Variants in APBA3 observed in about 807,000 individuals in gnomAD.
APBA3 encodes amyloid beta precursor protein binding family A member 3, also known as amyloid-beta A4 precursor protein-binding family A member 3.
APBA3 carries 45 observed loss-of-function variants against 55.9 expected under a neutral mutation model. That is an observed-to-expected ratio of 0.80 (90% CI 0.63 to 1.03). The LOEUF (loss-of-function observed/expected upper bound fraction) is 1.03, where lower values mean the gene tolerates loss of function less well. Among genes scored for constraint, APBA3 ranks in the 50% least tolerant of loss-of-function variants. The pLI is 0.00. For synonymous variants in APBA3, 370 were observed against 353.3 expected, an observed-to-expected ratio of 1.05 and a Z score of -0.53; for missense variants, 865 against 820.3, an observed-to-expected ratio of 1.05 and a Z score of -0.67.
In APBA3 at chr19:3,752,949, G is replaced by A. The variant is rs368458103; in HGVS notation, c.1053C>T (p.Ala351=). The A allele has an allele frequency of 1.6e-5, 26 of 1,613,036 alleles. No homozygotes were observed. Among genetic ancestry groups the A allele is most frequent in the South Asian group, 5.5e-5 (5 of 91,082 alleles). The stretch of plus-strand genomic sequence containing the variant: ...TTTCCCGTAGGAACTGGCTGTAGGC[G>A]GCGGCGAAGGCCTGGCCAATGGCCT... The part of the protein sequence containing the change: ...IAQAIGQAFA[A]AYSQFLRESG... Residue 351 remains alanine (A), a synonymous_variant, in exon 7 of 11, where the codon GCC becomes GCT. Coordinates refer to ENST00000316757, the MANE Select transcript of APBA3 (RefSeq NM_004886.4).
chr19:3,751,394 C>A, intron 9 of APBA3, 40 bp downstream of exon 9: 1 of 1,514,360 alleles, frequency 6.6e-7, no homozygotes, highest in Admixed American at 2.1e-5. Flanking sequence ...CTCAGGGCCG[C>A]CCTACCCCCC....
rs147158855 is a variant in APBA3 at position 3,752,976 on chromosome 19, G to A, written c.1026C>T (p.Ala342=). The part of the protein sequence containing the change: ...VFYAEDAQLI[A]QAIGQAFAAA... The stretch of plus-strand genomic sequence containing the variant: ...CGGCGAAGGCCTGGCCAATGGCCTG[G>A]GCGATGAGCTGGGCCTGCGGGGAGG... The change falls in exon 7 of 11, where the codon GCC becomes GCT. Residue 342 remains alanine (A), a synonymous_variant. Coordinates refer to ENST00000316757, the MANE Select transcript of APBA3 (RefSeq NM_004886.4). 5 of 1,612,140 alleles carry A rather than the reference G, an allele frequency of 3.1e-6. No homozygotes were observed. Among genetic ancestry groups the A allele is most frequent in the Non-Finnish European group, 4.2e-6 (5 of 1,179,882 alleles).
rs760267251 is a variant in APBA3 at position 3,754,016 on chromosome 19, T to C, written c.849+3A>G. On this transcript the variant is annotated splice_donor_region_variant and intron_variant, in intron 5 of 10. Transcript: ENST00000316757. ...ATCCCTGGGGCGGGTCCCTGCCCCG[T>C]ACCTGGGAGTCCGCTGTCAAGACCT... is the stretch of plus-strand genomic sequence containing the variant. 4 of 1,607,614 alleles carry C rather than the reference T, an allele frequency of 2.5e-6. No individual in the cohort carries two copies. In the South Asian group the frequency reaches 4.4e-5, roughly 18 times the overall value.
chr19:3,751,590 G>C (rs754612089), intron 8 of APBA3, 37 bp from the exon 9 acceptor site: 1 of 1,557,372 alleles, frequency 6.4e-7, no homozygotes, highest in Non-Finnish European at 8.6e-7. Context: ...CTCAGCTGCC[G>C]GACAGCCTGG....
intron 3 of APBA3, chr19:3,754,577 GC>G: frequency 3.9e-6 from 2 of 515,806 alleles, no homozygotes; most frequent in Non-Finnish European, 6.7e-6. Flanking sequence ...GTGAGTCCAG[GC>G]CATGGCTGGA....
Position 3,751,060 on chromosome 19 carries a change from A to C in APBA3, c.1694T>G (p.Leu565Arg). 6.4e-7 allele frequency: 1 copy of C among 1,566,474 alleles called. No individual in the cohort carries two copies. The highest frequency in any genetic ancestry group is 8.7e-7 in the Non-Finnish European group (1 of 1,155,290). The change falls in exon 11 of 11, where the codon CTC becomes CGC. Residue 565 changes from leucine to arginine, a missense_variant. Coordinates refer to ENST00000316757, the MANE Select transcript of APBA3 (RefSeq NM_004886.4). The part of the protein sequence containing the change: ...IKTMPAATYR[L>R]LTGQEQPVYL ...CACGGGCTGCTCCTGGCCTGTAAGG[A>C]GGCGATATGTGGCAGCTGGCATCGT... is the stretch of plus-strand genomic sequence containing the variant.
Position 3,753,797 on chromosome 19 carries a change from T to C in APBA3, c.979A>G (p.Lys327Glu). The C allele has an allele frequency of 6.4e-7, 1 of 1,572,218 alleles. No individual in the cohort carries two copies. The highest frequency in any genetic ancestry group is 1.2e-5 in the South Asian group (1 of 86,266). Reference protein sequence around the residue: ...APQDHGRRLYKMLCHVFYAED... With the variant: ...APQDHGRRLYEMLCHVFYAED... Reference sequence around the variant, plus strand: ...GCGTAGAATACGTGGCAGAGCATCTTGTAGAGGCGGCGGCCGTGGTCCTGG... The same window carrying C: ...GCGTAGAATACGTGGCAGAGCATCTCGTAGAGGCGGCGGCCGTGGTCCTGG... The change falls in exon 6 of 11, where the codon AAG (lysine) becomes GAG (glutamate). Residue 327 changes from lysine to glutamate, a missense_variant. By Grantham distance (56) the Lys-to-Glu change is moderately conservative. Transcript: ENST00000316757.
At chr19:3,758,483 C>G (rs1362821663) in intron 3 of APBA3, among the ~76,000 whole-genome samples, 1 of 151,920 alleles carries the variant, frequency 6.6e-6, no homozygotes, top group Non-Finnish European at 1.5e-5. Flanking sequence ...TGGTCTCCAA[C>G]TCCCGGCTCA....
chr19:3,753,875 C>T lies in APBA3; in HGVS notation c.901G>A (p.Gly301Ser), dbSNP rs1312272038. The T allele has an allele frequency of 3.8e-6, 6 of 1,563,782 alleles. No individual in the cohort carries two copies. Among genetic ancestry groups the T allele is most frequent in the Non-Finnish European group, 5.2e-6 (6 of 1,154,598 alleles). ...CGCGCCATCAGCACCAGCACGCAGC[C>T]GATGTCGGCTGTGTAGGAGATGGTA... ...LHTISYTADI[G>S]CVLVLMARRR... Residue 301 changes from glycine to serine, a missense_variant, in exon 6 of 11, where the codon GGC becomes AGC. Coordinates refer to ENST00000316757, the MANE Select transcript of APBA3 (RefSeq NM_004886.4).
chr19:3,756,965 C>T (rs2037085385), intron 3 of APBA3, among the ~76,000 whole-genome samples: 1 of 152,156 alleles, frequency 6.6e-6, no homozygotes. Context: ...CAATTCTGAG[C>T]ATTCTCATCA....
intron 6 of APBA3, 63 bp from the exon 7 acceptor site, chr19:3,753,053 C>T (rs568195127): frequency 1.3e-6 from 2 of 1,577,634 alleles, no homozygotes; most frequent in African/African-American, 1.3e-5. Flanking sequence ...CCCCAAAGTC[C>T]CCAGGGTCCT....
At chr19:3,761,353 C>T (rs369828545) in intron 1 of APBA3, among the ~76,000 whole-genome samples, 183 bp downstream of exon 1, 39 of 152,148 alleles carry the variant, frequency 2.6e-4, no homozygotes, top group Admixed American at 2.6e-3. Flanking sequence ...GGACTTAATA[C>T]CAGAGACCCA....
intron 3 of APBA3, among the ~76,000 whole-genome samples, chr19:3,756,876 G>T (rs895792933): frequency 6.6e-6 from 1 of 152,108 alleles, no homozygotes; most frequent in African/African-American, 2.4e-5. Context: ...TCTGCCCAGG[G>T]TTATAGAACA....
chr19:3,754,519 G>T (rs2037053139), intron 3 of APBA3, 179 bp from the exon 4 acceptor site: 2 of 757,100 alleles, frequency 2.6e-6, no homozygotes, highest in Non-Finnish European at 4.0e-6. Flanking sequence ...GCCCTCACAG[G>T]TCTAGAACCT....
Position 3,754,341 on chromosome 19 carries a change from CTG to C in APBA3, c.617-3_617-2del. 6.4e-7 allele frequency: 1 copy of C among 1,557,272 alleles called. No individual in the cohort carries two copies. The highest frequency in any genetic ancestry group is 1.2e-5 in the South Asian group (1 of 84,022). On this transcript the variant is annotated splice_acceptor_variant and splice_polypyrimidine_tract_variant and intron_variant, in intron 3 of 10. Coordinates refer to ENST00000316757, the MANE Select transcript of APBA3 (RefSeq NM_004886.4). LOFTEE classifies it high-confidence loss of function. ...TCTTCATGGTCACAGGGACCAGGCA[CTG>C]AGGGCGACAGCGAAGAGGGTCGGCC...
At position 3,760,182 on chromosome 19, in the gene APBA3, G is replaced by A. The variant is rs762279560; in HGVS notation, c.83C>T (p.Ser28Leu). 9.3e-6 allele frequency: 15 copies of A among 1,612,890 alleles called. No homozygotes were observed. Among genetic ancestry groups the A allele is most frequent in the East Asian group, 4.5e-5 (2 of 44,898 alleles). Residue 28 changes from serine to leucine, a missense_variant, in exon 2 of 11, where the codon TCG (serine) becomes TTG (leucine). Physicochemically the swap from Ser to Leu is moderately radical, Grantham distance 145. Transcript: ENST00000316757. ...CTGGCTGTCAGGGGTGAGGTCCTCC[G>A]AAGGCACAAGAATGTCCCTGGGCCC... ...LEGPRDILVP[S>L]EDLTPDSQWD... is the part of the protein sequence containing the mutation.
chr19:3,757,106 AGAACT>A (rs1309184643), intron 3 of APBA3, among the ~76,000 whole-genome samples: 1 of 151,438 alleles, frequency 6.6e-6, no homozygotes, highest in African/African-American at 2.4e-5. Flanking sequence ...CTGCAACCAC[AGAACT>A]GTTTTTTTTT....
rs183053013 is a variant in APBA3, at chr19:3,751,335, G to A, written c.1516-6C>T. 1.8e-4 allele frequency: 282 copies of A among 1,529,916 alleles called. 3 individuals carry two copies. Among genetic ancestry groups the A allele is most frequent in the Middle Eastern group, 1.6e-3 (7 of 4,434 alleles). The allele number at this position is 1,529,916 out of a possible 1,614,324, so 94.8% of individuals were successfully genotyped here. A position where few individuals can be genotyped will look rare whatever the true frequency, so the allele number is the denominator to read the frequency against. Reference sequence around the variant, plus strand: ...CCACGGAGGAGGCTGCAGATCTGGGGGAGAAAAGAGGGGGACGGGAAAGAG... The same window carrying A: ...CCACGGAGGAGGCTGCAGATCTGGGAGAGAAAAGAGGGGGACGGGAAAGAG... On this transcript the variant is annotated splice_region_variant and splice_polypyrimidine_tract_variant and intron_variant, in intron 9 of 10. Transcript: ENST00000316757.
chr19:3,761,586 C>G lies in APBA3; in HGVS notation c.-88G>C. 6.6e-6 allele frequency: 1 copy of G among 152,372 alleles called. No homozygotes were observed. Among genetic ancestry groups the G allele is most frequent in the Middle Eastern group, 3.2e-3 (1 of 316 alleles). The allele number at this position is 152,372 out of a possible 1,614,324, so 9.4% of individuals were successfully genotyped here. A position where few individuals can be genotyped will look rare whatever the true frequency, so the allele number is the denominator to read the frequency against. On this transcript the variant is annotated 5_prime_UTR_variant, in exon 1 of 11. Transcript: ENST00000316757. ...CCGCGCAGCCTCCAGGACCCCGCTC[C>G]CCACGGACGGCCCCGACGTAGCCCG...
Sources: allele counts gnomAD v4.1 joint callset (sites outside exome capture counted in the v4.1 genomes callset), GRCh38; gene constraint gnomAD v4.1.1; transcripts MANE v1.5; gene names NCBI Gene and HGNC (gene_info 2026-07-23, HGNC 2026-07-21).